The following ADGRL3 variants were observed in gnomAD, a reference collection of about 807,000 sequenced individuals.
The protein encoded by ADGRL3 is calcium-independent alpha-latrotoxin receptor 3.
In ADGRL3, 62 loss-of-function variants were observed where a neutral mutation model predicts 153.5. That is an observed-to-expected ratio of 0.40 (90% CI 0.33 to 0.50). The LOEUF is 0.50. Among genes scored for constraint, ADGRL3 ranks in the 20% least tolerant of loss-of-function variants. The pLI is 0.47. For synonymous variants in ADGRL3, 710 were observed against 672.5 expected (o/e 1.06, Z -0.86); for missense variants, 1,641 against 1,859.4 (o/e 0.88, Z 2.16).
intron 1 of ADGRL3, among the ~76,000 whole-genome samples, chr4:61,295,814 A>G (rs1381804638): frequency 8.6e-5 from 13 of 151,570 alleles, no homozygotes; most frequent in Non-Finnish European, 1.9e-4. Flanking sequence ...TAAAAAAAAA[A>G]AAAAGAAAAA....
At chr4:61,373,976 G>A (rs1367471878) in intron 1 of ADGRL3, among the ~76,000 whole-genome samples, 1 of 152,114 alleles carries the variant, frequency 6.6e-6, no homozygotes, top group Admixed American at 6.5e-5. Flanking sequence ...AAAAGGCAGA[G>A]TAAAATACCC....
intron 8 of ADGRL3, among the ~76,000 whole-genome samples, chr4:61,793,397 T>G (rs946093748): frequency 2.0e-5 from 3 of 152,110 alleles, no homozygotes; most frequent in Non-Finnish European, 2.9e-5. Flanking sequence ...CACTCCAGCC[T>G]GGGCGACAGA....
rs1410350813 is a variant in ADGRL3, at chr4:61,291,265, TCAAC to T, written c.-240+89508_-240+89511del. On this transcript the variant is annotated intron_variant, in intron 1 of 26. Transcript: ENST00000683033. ...GTCCATGGATTCCACATTCATGAAT[TCAAC>T]CAACCAAGAATCAAAAATATTTGGG... Among the ~76,000 whole-genome samples, 2 of 147,270 alleles carry T rather than the reference TCAAC, an allele frequency of 1.4e-5. 1 individual carries two copies. Among genetic ancestry groups the T allele is most frequent in the Non-Finnish European group, 3.0e-5 (2 of 67,082 alleles).
chr4:62,037,988 G>C (rs1200357286), intron 24 of ADGRL3, 132 bp downstream of exon 24: 1 of 934,730 alleles, frequency 1.1e-6, no homozygotes, highest in Admixed American at 2.4e-5. Flanking sequence ...GTCTCACATG[G>C]GAATGATTCT....
At chr4:61,655,316 A>C (rs1053989787) in intron 5 of ADGRL3, among the ~76,000 whole-genome samples, 8 of 152,282 alleles carry the variant, frequency 5.3e-5, no homozygotes, top group Admixed American at 4.6e-4. Context: ...TTTTTAACGG[A>C]TACAAGCCTG....
At chr4:61,591,108 A>G (rs2098967325) in intron 5 of ADGRL3, among the ~76,000 whole-genome samples, 2 of 152,126 alleles carry the variant, frequency 1.3e-5, no homozygotes, top group African/African-American at 2.4e-5. Context: ...ATTCCTTCCT[A>G]CAAGGATTGC....
At chr4:61,281,185 AT>A (rs1287833797) in intron 1 of ADGRL3, among the ~76,000 whole-genome samples, 2 of 123,170 alleles carry the variant, frequency 1.6e-5, no homozygotes, top group Admixed American at 8.2e-5. Context: ...AAAAAAGGTA[AT>A]AGTTTTTTTT....
At chr4:61,404,686 A>G (rs2096971803) in intron 2 of ADGRL3, among the ~76,000 whole-genome samples, 1 of 152,112 alleles carries the variant, frequency 6.6e-6, no homozygotes, top group South Asian at 2.1e-4. Context: ...TTTATGCTAT[A>G]TGTAAGTCAT....
intron 1 of ADGRL3, among the ~76,000 whole-genome samples, chr4:61,204,268 T>C (rs1033838568): frequency 3.3e-5 from 5 of 152,192 alleles, no homozygotes; most frequent in Non-Finnish European, 7.3e-5. Flanking sequence ...ATGAGAGATA[T>C]TGCTAATGGC....
At chr4:61,291,770 C>T (rs969713967) in intron 1 of ADGRL3, among the ~76,000 whole-genome samples, 42 of 149,696 alleles carry the variant, frequency 2.8e-4, no homozygotes, top group Admixed American at 2.8e-3. Flanking sequence ...TAAAAAACTG[C>T]TGTTGAGACA....
At chr4:61,382,235 T>C (rs1173812812) in intron 1 of ADGRL3, among the ~76,000 whole-genome samples, 1 of 151,490 alleles carries the variant, frequency 6.6e-6, no homozygotes, top group Non-Finnish European at 1.5e-5. Flanking sequence ...CTAACACTAA[T>C]AGCATAAATA....
chr4:61,340,991 C>T (rs958806003), intron 1 of ADGRL3, among the ~76,000 whole-genome samples: 1 of 151,790 alleles, frequency 6.6e-6, no homozygotes. Flanking sequence ...AGTTTTCCAA[C>T]AAAATTTAAA....
rs369554962 is a variant in ADGRL3, at chr4:61,736,817, G to A, written c.1399+3263G>A. 2.2e-4 allele frequency among the ~76,000 whole-genome samples: 34 copies of A among 152,270 alleles called. No homozygotes were observed. In the East Asian group the frequency reaches 2.9e-3, roughly 13 times the overall value. Reference sequence around the variant, plus strand: ...AGACTTTGTCTGTTTTACAAATAGTGAAATTTCACCTGTTAAATTTGTCAG... The same window carrying A: ...AGACTTTGTCTGTTTTACAAATAGTAAAATTTCACCTGTTAAATTTGTCAG... On this transcript the variant is annotated intron_variant, in intron 8 of 26. Transcript: ENST00000683033.
chr4:61,718,292 G>A (rs2096166093), intron 6 of ADGRL3, among the ~76,000 whole-genome samples: 1 of 151,900 alleles, frequency 6.6e-6, no homozygotes, highest in Non-Finnish European at 1.5e-5. Flanking sequence ...AAATAAAGTT[G>A]TACCTGTTAT....
At chr4:61,947,243 T>G (rs562484787) in intron 16 of ADGRL3, 121 bp downstream of exon 16, 15 of 782,480 alleles carry the variant, frequency 1.9e-5, no homozygotes, top group Middle Eastern at 3.8e-4. Flanking sequence ...GTTCATTATC[T>G]GTACAATGTA....
At chr4:61,583,411 A>G (rs59130415) in intron 4 of ADGRL3, among the ~76,000 whole-genome samples, 2,387 of 152,226 alleles carry the variant, frequency 0.016, 66 homozygotes, top group East Asian at 0.13. Flanking sequence ...AAGGAGAAGG[A>G]AACAGAATGA....
intron 4 of ADGRL3, among the ~76,000 whole-genome samples, chr4:61,555,762 G>T (rs1412100711): frequency 6.6e-6 from 1 of 152,150 alleles, no homozygotes; most frequent in Non-Finnish European, 1.5e-5. Context: ...GTTATTTTTT[G>T]ATTATATGCT....
chr4:61,797,158 G>C (rs553080873), intron 8 of ADGRL3, among the ~76,000 whole-genome samples: 43 of 152,186 alleles, frequency 2.8e-4, no homozygotes, highest in African/African-American at 1.0e-3. Context: ...CCTTCTTTCA[G>C]TTCCTCAAAA....
intron 6 of ADGRL3, among the ~76,000 whole-genome samples, chr4:61,722,493 T>A (rs1404012885): frequency 1.3e-5 from 2 of 152,174 alleles, no homozygotes; most frequent in African/African-American, 2.4e-5. Flanking sequence ...TTCTTTCAAC[T>A]GCCTCGGTCA....
Sources: allele counts gnomAD v4.1 joint callset (sites outside exome capture counted in the v4.1 genomes callset), GRCh38; gene constraint gnomAD v4.1.1; transcripts MANE v1.5; gene names NCBI Gene and HGNC (gene_info 2026-07-23, HGNC 2026-07-21).